SUGCT: variants seen among roughly 807,000 people sequenced by gnomAD.
The protein encoded by SUGCT is succinyl-CoA:glutarate CoA-transferase.
In SUGCT, 41 loss-of-function variants were observed where a neutral mutation model predicts 55.0. That is an observed-to-expected ratio of 0.74 (90% CI 0.58 to 0.97). The LOEUF (loss-of-function observed/expected upper bound fraction) is 0.97. Ranked by LOEUF, SUGCT falls within the 50% of genes least tolerant of loss-of-function variation. The pLI, the probability that SUGCT is intolerant of heterozygous loss-of-function variation, is 0.00. For synonymous variants in SUGCT, 187 were observed against 200.4 expected, an observed-to-expected ratio of 0.93 and a Z score of 0.56; for missense variants, 568 against 547.8, an observed-to-expected ratio of 1.04 and a Z score of -0.37.
intron 8 of SUGCT, among the ~76,000 whole-genome samples, chr7:40,292,546 C>G (rs901407980): frequency 2.6e-5 from 4 of 152,150 alleles, no homozygotes. Context: ...TTCCACCAGA[C>G]AGCTCTGTAA....
rs148261562 is a variant in SUGCT at position 40,448,857 on chromosome 7, T to TAC, written c.817-417_817-416dup. ...GAGACAGACCCTGTCACCAAATACATACACACACACACACTCATATATACA... is the reference window on the plus strand; with the variant it reads ...GAGACAGACCCTGTCACCAAATACATACACACACACACACACTCATATATACA... On this transcript the variant is annotated intron_variant, in intron 9 of 13. Coordinates refer to ENST00000335693, the MANE Select transcript of SUGCT (RefSeq NM_001193313.2). 5.8e-3 allele frequency among the ~76,000 whole-genome samples: 867 copies of TAC among 150,324 alleles called. 12 individuals are homozygous for TAC. The highest frequency in any genetic ancestry group is 0.021 in the Admixed American group (324 of 15,096).
intron 12 of SUGCT, among the ~76,000 whole-genome samples, chr7:40,675,596 G>C (rs924837948): frequency 1.3e-5 from 2 of 152,292 alleles, no homozygotes; most frequent in East Asian, 3.9e-4. Flanking sequence ...AGCTACAGCT[G>C]GGGGTCAGAA....
the SUGCT span, among the ~76,000 whole-genome samples, chr7:40,952,133 G>C: frequency 6.6e-6 from 1 of 152,100 alleles, no homozygotes; most frequent in African/African-American, 2.4e-5. Context: ...GAATCTGGGT[G>C]CTCCTGTATT....
At chr7:41,006,683 T>G in the SUGCT span, among the ~76,000 whole-genome samples, 13 of 152,222 alleles carry the variant, frequency 8.5e-5, no homozygotes, top group Middle Eastern at 3.2e-3. Flanking sequence ...TTTCCAGGCT[T>G]AAGACAACGA....
chr7:40,700,226 C>G (rs1785117808), intron 12 of SUGCT, among the ~76,000 whole-genome samples: 1 of 152,174 alleles, frequency 6.6e-6, no homozygotes, highest in Admixed American at 6.5e-5. Context: ...TTAAATTGTG[C>G]AGTGGAGCAT....
chr7:40,358,180 A>C (rs1205652258), intron 9 of SUGCT, among the ~76,000 whole-genome samples: 1 of 152,248 alleles, frequency 6.6e-6, no homozygotes, highest in African/African-American at 2.4e-5. Context: ...GTGGGAGCTT[A>C]AAGATGATGG....
At chr7:40,256,956 C>T (rs1790852373) in intron 7 of SUGCT, among the ~76,000 whole-genome samples, 2 of 152,110 alleles carry the variant, frequency 1.3e-5, no homozygotes, top group South Asian at 2.1e-4. Context: ...CTTGGCCGGG[C>T]TGGTCTCAAA....
intron 12 of SUGCT, among the ~76,000 whole-genome samples, chr7:40,615,854 T>A (rs1798978984): frequency 6.6e-6 from 1 of 152,230 alleles, no homozygotes. Flanking sequence ...TGCCATGGAT[T>A]CTTATGTGCC....
chr7:40,975,904 G>A, the SUGCT span, among the ~76,000 whole-genome samples: 5 of 152,196 alleles, frequency 3.3e-5, no homozygotes, highest in Non-Finnish European at 7.4e-5. Context: ...TAGCTTCTGA[G>A]AGTTCAGCAA....
chr7:40,165,009 T>C (rs1784354410), intron 1 of SUGCT, among the ~76,000 whole-genome samples: 1 of 152,194 alleles, frequency 6.6e-6, no homozygotes, highest in Non-Finnish European at 1.5e-5. Flanking sequence ...GCTTCTTCTG[T>C]GACTTCAGAC....
At chr7:40,138,821 C>T (rs556255901) in intron 1 of SUGCT, among the ~76,000 whole-genome samples, 78 of 152,126 alleles carry the variant, frequency 5.1e-4, no homozygotes, top group Non-Finnish European at 9.0e-4. Flanking sequence ...GATTAAAAGG[C>T]ATGAAAACAT....
chr7:40,205,079 C>T (rs1786884601), intron 6 of SUGCT, among the ~76,000 whole-genome samples: 1 of 151,608 alleles, frequency 6.6e-6, no homozygotes, highest in South Asian at 2.1e-4. Context: ...CATGGCGAAA[C>T]CCCGTCTCTA....
chr7:40,238,389 A>C (rs1433624190), intron 7 of SUGCT, among the ~76,000 whole-genome samples: 2 of 152,296 alleles, frequency 1.3e-5, no homozygotes, highest in East Asian at 3.9e-4. Context: ...GATTAAAAAA[A>C]AGGCTCTCGG....
chr7:40,986,933 T>A, the SUGCT span, among the ~76,000 whole-genome samples: 1 of 152,226 alleles, frequency 6.6e-6, no homozygotes. Flanking sequence ...ATCCTGTTTA[T>A]CCACAAATGT....
the SUGCT span, among the ~76,000 whole-genome samples, chr7:41,004,431 G>A: frequency 6.8e-4 from 104 of 152,308 alleles, no homozygotes; most frequent in African/African-American, 2.1e-3. Flanking sequence ...TAAGCAGGGT[G>A]GGCAGAAGAA....
chr7:40,497,067 A>G (rs1052198655), intron 12 of SUGCT, among the ~76,000 whole-genome samples: 6 of 152,180 alleles, frequency 3.9e-5, no homozygotes, highest in African/African-American at 1.4e-4. Flanking sequence ...TATTACTTCA[A>G]TCAAAAAACT....
intron 13 of SUGCT, among the ~76,000 whole-genome samples, chr7:40,784,038 T>C (rs1056403326): frequency 2.6e-5 from 4 of 152,208 alleles, no homozygotes; most frequent in African/African-American, 9.6e-5. Context: ...AATTAGTGTC[T>C]ATTAAATTTT....
chr7:40,457,389 A>G (rs1489783052), intron 10 of SUGCT, among the ~76,000 whole-genome samples: 1 of 152,032 alleles, frequency 6.6e-6, no homozygotes, highest in African/African-American at 2.4e-5. Flanking sequence ...GGTTGCAGTG[A>G]GCTGAGATCG....
intron 13 of SUGCT, among the ~76,000 whole-genome samples, chr7:40,833,400 G>A (rs1792799255): frequency 6.6e-6 from 1 of 152,122 alleles, no homozygotes; most frequent in South Asian, 2.1e-4. Flanking sequence ...TGACTTAACT[G>A]ACTCCTGTTA....
Sources: gnomAD v4.1 joint callset for allele counts (sites outside exome capture counted in the v4.1 genomes callset) on GRCh38, gnomAD v4.1.1 for gene constraint, MANE v1.5 for transcripts, NCBI Gene and HGNC (gene_info 2026-07-23, HGNC 2026-07-21) for gene names.